RBM19: variants seen among roughly 807,000 people sequenced by gnomAD.
RBM19 encodes the protein probable RNA-binding protein 19.
Under a neutral mutation model 116.8 loss-of-function variants are expected in RBM19, and 94 were observed. The ratio of observed to expected loss-of-function variants is 0.80; its 90% CI spans 0.68 to 0.95. RBM19 has a LOEUF of 0.95. Among genes scored for constraint, RBM19 ranks in the 40% least tolerant of loss-of-function variants. RBM19 has a pLI of 0.00. For synonymous variants in RBM19, 475 were observed against 494.1 expected (o/e 0.96, Z 0.51); for missense variants, 1,161 against 1,220.7 (o/e 0.95, Z 0.73).
In RBM19 at chr12:113,955,200, T is replaced by A. The variant is rs759031378; in HGVS notation, c.852A>T (p.Pro284=). ...AGGTGGTGGGTTCCTTCTGGTTTGC[T>A]GGTTTCTCTGTCTGAGTGATCACAA... ...PPEARAETEK[P]ANQKEPTTCH... is the part of the protein sequence containing the mutation. Residue 284 remains proline (P), a synonymous_variant, in exon 7 of 24, where the codon CCA becomes CCT. Coordinates refer to ENST00000261741, the MANE Select transcript of RBM19 (RefSeq NM_016196.4). 3.4e-5 allele frequency: 55 copies of A among 1,614,016 alleles called. No homozygotes were observed. Among genetic ancestry groups the A allele is most frequent in the Non-Finnish European group, 2.5e-6 (3 of 1,180,012 alleles).
chr12:113,937,086 G>A lies in RBM19; in HGVS notation c.1989C>T (p.Ser663=). ...GCTTTTTCTTCTGTGGGGCTGTGCT[G>A]GAGAAGACGCCAACTGGAGCCCACT... ...YLEWAPVGVF[S]STAPQKKKLQ... Residue 663 remains serine (S), a synonymous_variant, in exon 16 of 24, where the codon TCC becomes TCT. Coordinates refer to ENST00000261741, the MANE Select transcript of RBM19 (RefSeq NM_016196.4). The A allele has an allele frequency of 1.2e-6, 2 of 1,614,058 alleles. No homozygotes were observed. Among genetic ancestry groups the A allele is most frequent in the African/African-American group, 1.3e-5 (1 of 75,022 alleles).
chr12:113,945,316 G>A (rs937912247), intron 13 of RBM19, among the ~76,000 whole-genome samples: 8 of 152,150 alleles, frequency 5.3e-5, no homozygotes, highest in Non-Finnish European at 1.0e-4. Context: ...GGAACCCAGC[G>A]ACCCCCTCCT....
chr12:113,895,147 A>C (rs929688700), intron 21 of RBM19, among the ~76,000 whole-genome samples: 3 of 152,212 alleles, frequency 2.0e-5, no homozygotes, highest in Non-Finnish European at 4.4e-5. Flanking sequence ...ATTACACTCC[A>C]TCGAGTTCCC....
intron 22 of RBM19, among the ~76,000 whole-genome samples, chr12:113,849,650 G>A (rs956351785): frequency 1.3e-5 from 2 of 152,180 alleles, no homozygotes; most frequent in East Asian, 1.9e-4. Context: ...ACTATGGCTC[G>A]AGAGATCGCA....
chr12:113,915,329 T>G (rs995290916), intron 20 of RBM19, among the ~76,000 whole-genome samples: 1 of 152,044 alleles, frequency 6.6e-6, no homozygotes, highest in African/African-American at 2.4e-5. Flanking sequence ...TTTGAGAGAC[T>G]CCGGGGCCAC....
chr12:113,887,803 C>T (rs965369504), intron 21 of RBM19, among the ~76,000 whole-genome samples: 3 of 151,806 alleles, frequency 2.0e-5, no homozygotes, highest in Non-Finnish European at 4.4e-5. Flanking sequence ...TCACTGCAAC[C>T]TCTACCTCCT....
In RBM19 at chr12:113,823,214, C is replaced by T. The variant is rs533908630; in HGVS notation, c.*10G>A. On this transcript the variant is annotated 3_prime_UTR_variant, in exon 24 of 24. Coordinates refer to ENST00000261741, the MANE Select transcript of RBM19 (RefSeq NM_016196.4). ...AGGGCCCCGGAGCCACACACCCTCT[C>T]GGTGCCAGCTCACAGCTGAAGGGTC... The T allele has an allele frequency of 1.6e-4, 262 of 1,607,310 alleles. 2 individuals carry two copies. Among genetic ancestry groups the T allele is most frequent in the South Asian group, 6.2e-4 (56 of 91,024 alleles).
chr12:113,839,493 CCTGA>C (rs1876276398), intron 23 of RBM19, among the ~76,000 whole-genome samples: 1 of 152,230 alleles, frequency 6.6e-6, no homozygotes, highest in Non-Finnish European at 1.5e-5. Context: ...GAGAGGTAAA[CCTGA>C]CTATCGTTTC....
intron 20 of RBM19, among the ~76,000 whole-genome samples, chr12:113,917,322 C>T (rs1882828045): frequency 6.6e-6 from 1 of 152,226 alleles, no homozygotes; most frequent in Non-Finnish European, 1.5e-5. Flanking sequence ...CACACAACCT[C>T]TACTTAGCAC....
At chr12:113,860,321 C>T (rs1292404798) in intron 21 of RBM19, among the ~76,000 whole-genome samples, 1 of 152,238 alleles carries the variant, frequency 6.6e-6, no homozygotes, top group South Asian at 2.1e-4. Flanking sequence ...CTACTTCATT[C>T]TGCCACCTAA....
At chr12:113,845,852 C>A (rs1383358967) in intron 22 of RBM19, among the ~76,000 whole-genome samples, 1 of 152,168 alleles carries the variant, frequency 6.6e-6, no homozygotes, top group Admixed American at 6.5e-5. Context: ...TCACCCTGAC[C>A]AGGAAGGACA....
At position 113,918,355 on chromosome 12, in the gene RBM19, G is replaced by A. The variant is rs116221899; in HGVS notation, c.2441+37C>T. On this transcript the variant is annotated intron_variant, in intron 20 of 23. Transcript: ENST00000261741. ...CCGGCACCAAGCACAGGAAGCCCCA[G>A]CTCGTAGGAAAGGAAATGAGGACAC... 1.2e-4 allele frequency: 199 copies of A among 1,611,360 alleles called. No homozygotes were observed. In the African/African-American group the frequency reaches 2.4e-3, roughly 19 times the overall value.
chr12:113,829,945 C>G (rs1875227720), intron 23 of RBM19, among the ~76,000 whole-genome samples: 2 of 152,228 alleles, frequency 1.3e-5, no homozygotes, highest in African/African-American at 2.4e-5. Context: ...CCTGCTGGCT[C>G]TAAGCAGCAG....
At chr12:113,851,005 G>A (rs1026851760) in intron 22 of RBM19, among the ~76,000 whole-genome samples, 5 of 152,230 alleles carry the variant, frequency 3.3e-5, no homozygotes, top group African/African-American at 1.2e-4. Flanking sequence ...ATCACCCTGA[G>A]AGAGAGATAG....
At chr12:113,841,806 G>A (rs1442781400) in intron 23 of RBM19, among the ~76,000 whole-genome samples, 1 of 152,174 alleles carries the variant, frequency 6.6e-6, no homozygotes, top group African/African-American at 2.4e-5. Context: ...CAGCCGGTCT[G>A]GAGATCAAGT....
chr12:113,962,539 G>A (rs1275345009), intron 1 of RBM19, 125 bp from the exon 2 acceptor site: 9 of 909,844 alleles, frequency 9.9e-6, no homozygotes, highest in South Asian at 1.7e-5. Flanking sequence ...GGGGCAGAGT[G>A]TACTTTTCTA....
chr12:113,864,315 G>A (rs1245860534), intron 21 of RBM19, among the ~76,000 whole-genome samples: 2 of 152,194 alleles, frequency 1.3e-5, no homozygotes, highest in Non-Finnish European at 2.9e-5. Flanking sequence ...GCAGCTGCAT[G>A]GGAAGCCTCT....
At chr12:113,922,614 CT>C (rs200578515) in intron 18 of RBM19, among the ~76,000 whole-genome samples, 2,532 of 143,122 alleles carry the variant, frequency 0.018, 40 homozygotes, top group African/African-American at 0.041. Flanking sequence ...TCAGCAATAA[CT>C]TTTTTTTTTT....
intron 21 of RBM19, among the ~76,000 whole-genome samples, chr12:113,881,905 C>A (rs1174982110): frequency 1.3e-5 from 2 of 152,266 alleles, no homozygotes; most frequent in African/African-American, 4.8e-5. Flanking sequence ...GCAAAGCCTT[C>A]CTGCAGAGAC....
Sources: gnomAD v4.1 joint callset for allele counts (sites outside exome capture counted in the v4.1 genomes callset) on GRCh38, gnomAD v4.1.1 for gene constraint, MANE v1.5 for transcripts, NCBI Gene and HGNC (gene_info 2026-07-23, HGNC 2026-07-21) for gene names.